The following HMCN1 variants were observed in gnomAD, a reference collection of about 807,000 sequenced individuals.
HMCN1 encodes the protein hemicentin 1, also known as hemicentin-1.
Under a neutral mutation model 625.9 loss-of-function variants are expected in HMCN1, and 321 were observed. That is an observed-to-expected ratio of 0.51 (90% CI 0.47 to 0.56). The LOEUF (loss-of-function observed/expected upper bound fraction) is 0.56. HMCN1 is among the 20% of genes least tolerant of loss of function. The pLI is 0.00. For synonymous variants in HMCN1, 2,425 were observed against 2,417.6 expected (o/e 1.00, Z -0.09); for missense variants, 6,588 against 6,887.3 (o/e 0.96, Z 1.54).
chr1:185,992,635 G>A (rs1160849448), intron 22 of HMCN1, among the ~76,000 whole-genome samples: 3 of 152,028 alleles, frequency 2.0e-5, no homozygotes, highest in African/African-American at 7.2e-5. Flanking sequence ...ATGTCTCTGG[G>A]CCAAGAGCAC....
Position 185,989,588 on chromosome 1 carries a change from T to C in HMCN1, c.3149T>C (p.Val1050Ala), listed in dbSNP as rs1381451790. The C allele has an allele frequency of 1.9e-6, 3 of 1,614,004 alleles. No homozygotes were observed. The African/African-American group carries it at 4.0e-5, about 22-fold the overall frequency. The change falls in exon 21 of 107, where the codon GTC becomes GCC. Residue 1050 changes from valine (V) to alanine (A), a missense_variant. Val to Ala is a moderately conservative substitution (Grantham distance 64). Transcript: ENST00000271588. The part of the protein sequence containing the change: ...SPGGEESGEY[V>A]CTATNTAGYA... ...GGAGGAGAGGAGAGTGGGGAGTATG[T>C]CTGCACTGCCACCAATACAGCCGGC...
intron 6 of HMCN1, among the ~76,000 whole-genome samples, chr1:185,920,694 A>G (rs1188401721): frequency 4.6e-5 from 7 of 152,100 alleles, no homozygotes; most frequent in Non-Finnish European, 2.9e-5. Flanking sequence ...TCACTCAGCT[A>G]TTAAGTACCA....
chr1:186,053,607 A>G (rs1657113677), intron 43 of HMCN1, among the ~76,000 whole-genome samples: 1 of 152,076 alleles, frequency 6.6e-6, no homozygotes, highest in Non-Finnish European at 1.5e-5. Context: ...TTATTTATCA[A>G]CAACTCCTTA....
chr1:186,125,647 T>C lies in HMCN1; in HGVS notation c.12543T>C (p.Asn4181=). 1 of 1,613,370 alleles carries C rather than the reference T, an allele frequency of 6.2e-7. No individual in the cohort carries two copies. Among genetic ancestry groups the C allele is most frequent in the African/African-American group, 1.3e-5 (1 of 74,990 alleles). Residue 4181 remains asparagine (N), a synonymous_variant, in exon 82 of 107, where the codon AAT becomes AAC. Coordinates refer to ENST00000271588, the MANE Select transcript of HMCN1 (RefSeq NM_031935.3). ...GTACAGAAGGACACTACACGGTCAATGAGAATTCACAAGCCATTCTTCCAT... is the reference window on the plus strand; with the variant it reads ...GTACAGAAGGACACTACACGGTCAACGAGAATTCACAAGCCATTCTTCCAT... The part of the protein sequence containing the change: ...IRSTEGHYTV[N]ENSQAILPCV...
Position 185,996,726 on chromosome 1 carries a change from G to A in HMCN1, c.3779-703G>A, listed in dbSNP as rs138965060. On this transcript the variant is annotated intron_variant, in intron 24 of 106. Coordinates refer to ENST00000271588, the MANE Select transcript of HMCN1 (RefSeq NM_031935.3). Reference sequence around the variant, plus strand: ...AAGGAAATACTCGGGACATGGTGACGGATTGGATATGAGAGTGAAGGAGAT... The same window carrying A: ...AAGGAAATACTCGGGACATGGTGACAGATTGGATATGAGAGTGAAGGAGAT... Among the ~76,000 whole-genome samples, 464 of 152,178 alleles carry A rather than the reference G, an allele frequency of 3.0e-3. 4 individuals carry two copies. The highest frequency in any genetic ancestry group is 0.01 in the African/African-American group (431 of 41,536).
chr1:186,081,066 G>A (rs1659140655), intron 55 of HMCN1, 141 bp from the exon 56 acceptor site: 1 of 783,006 alleles, frequency 1.3e-6, no homozygotes, highest in East Asian at 2.5e-5. Flanking sequence ...AGTATAAAAT[G>A]TTACCTGGGG....
At position 185,993,225 on chromosome 1, in the gene HMCN1, C is replaced by A. The variant is rs757779094; in HGVS notation, c.3421C>A (p.Arg1141Ser). 3 of 1,612,566 alleles carry A rather than the reference C, an allele frequency of 1.9e-6. No homozygotes were observed. The highest frequency in any genetic ancestry group is 2.5e-6 in the Non-Finnish European group (3 of 1,178,770). ...PSGSMKITET[R>S]TSDSGMYLCV... ...TGGTTCAATGAAGATCACTGAAACC[C>A]GCACTTCAGATAGTGGGATGTATCT... Residue 1141 changes from arginine to serine, a missense_variant, in exon 23 of 107, where the codon CGC (arginine) becomes AGC (serine). Transcript: ENST00000271588.
chr1:185,943,124 C>T (rs1558082276), intron 11 of HMCN1, among the ~76,000 whole-genome samples: 1 of 152,084 alleles, frequency 6.6e-6, no homozygotes, highest in Non-Finnish European at 1.5e-5. Flanking sequence ...GAGCTTCTGT[C>T]CCCATGGAGT....
chr1:185,992,487 GCCCGACATCA>G (rs1382287961), intron 22 of HMCN1, among the ~76,000 whole-genome samples: 1 of 152,064 alleles, frequency 6.6e-6, no homozygotes, highest in Non-Finnish European at 1.5e-5. Flanking sequence ...AGAGCCAGTT[GCCCGACATCA>G]CTTTGAATAG....
chr1:186,022,866 C>A (rs1654809174), intron 35 of HMCN1, among the ~76,000 whole-genome samples, 164 bp from the exon 36 acceptor site: 1 of 152,000 alleles, frequency 6.6e-6, no homozygotes, highest in Admixed American at 6.6e-5. Flanking sequence ...TTGTCTTGTG[C>A]ATGATGATGT....
At chr1:185,860,563 G>GC (rs1007118504) in intron 2 of HMCN1, among the ~76,000 whole-genome samples, 3 of 152,044 alleles carry the variant, frequency 2.0e-5, no homozygotes, top group Non-Finnish European at 4.4e-5. Context: ...TCCCACCTCA[G>GC]CCCCCCAAGT....
intron 34 of HMCN1, 125 bp downstream of exon 34, chr1:186,018,477 T>C: frequency 9.8e-7 from 1 of 1,025,618 alleles, no homozygotes; most frequent in South Asian, 1.3e-5. Flanking sequence ...GTGTAAAGGA[T>C]GTGAATTTCA....
chr1:185,903,871 A>G (rs554047419), intron 4 of HMCN1, among the ~76,000 whole-genome samples: 3 of 151,998 alleles, frequency 2.0e-5, no homozygotes, highest in African/African-American at 7.2e-5. Context: ...TGTTGGCACA[A>G]ATAATACATT....
chr1:185,885,306 T>C lies in HMCN1; in HGVS notation c.621+19443T>C, dbSNP rs1321368061. ...TCCGAGGAAGTACAAGAATAGCTAG[T>C]TTGCTCATATAAAGGCATACAGACA... On this transcript the variant is annotated intron_variant, in intron 4 of 106. Coordinates refer to ENST00000271588, the MANE Select transcript of HMCN1 (RefSeq NM_031935.3). 2.6e-5 allele frequency among the ~76,000 whole-genome samples: 4 copies of C among 151,962 alleles called. No individual in the cohort carries two copies. In the East Asian group the frequency reaches 7.7e-4, roughly 29 times the overall value.
chr1:185,735,284 C>T (rs1364542285), intron 1 of HMCN1, among the ~76,000 whole-genome samples: 3 of 152,130 alleles, frequency 2.0e-5, no homozygotes, highest in African/African-American at 4.8e-5. Flanking sequence ...GTCCTCAAAC[C>T]TGGAAATGTG....
chr1:186,112,189 A>T lies in HMCN1; in HGVS notation c.10990-623A>T, dbSNP rs113277829. On this transcript the variant is annotated intron_variant, in intron 71 of 106. Coordinates refer to ENST00000271588, the MANE Select transcript of HMCN1 (RefSeq NM_031935.3). ...AATATTTGTGGTGGTTTATTTGCTT[A>T]TTTTTTTTAAATGTTAGAGTACAAT... 8.1e-3 allele frequency among the ~76,000 whole-genome samples: 1,226 copies of T among 152,106 alleles called. 17 individuals carry two copies. Among genetic ancestry groups the T allele is most frequent in the African/African-American group, 0.029 (1,189 of 41,506 alleles).
chr1:185,807,956 G>A (rs142402948), intron 1 of HMCN1, among the ~76,000 whole-genome samples: 46 of 152,252 alleles, frequency 3.0e-4, no homozygotes, highest in Admixed American at 1.2e-3. Context: ...TCTGAAGGTA[G>A]AGAGACAGTT....
intron 1 of HMCN1, among the ~76,000 whole-genome samples, chr1:185,758,931 G>T (rs1287943009): frequency 6.6e-6 from 1 of 152,078 alleles, no homozygotes; most frequent in African/African-American, 2.4e-5. Context: ...ACCTTCACAG[G>T]TGGTGGATTC....
At chr1:186,037,857 T>C in intron 36 of HMCN1, 77 bp from the exon 37 acceptor site, 1 of 887,006 alleles carries the variant, frequency 1.1e-6, no homozygotes, top group South Asian at 1.4e-5. Context: ...AGAAAAATTA[T>C]AATTTTAATT....
Sources: gnomAD v4.1 joint callset for allele counts (sites outside exome capture counted in the v4.1 genomes callset) on GRCh38, gnomAD v4.1.1 for gene constraint, MANE v1.5 for transcripts, NCBI Gene and HGNC (gene_info 2026-07-23, HGNC 2026-07-21) for gene names.